Variants in ESS2 observed in about 807,000 individuals in gnomAD.
ESS2 encodes the protein splicing factor ESS-2 homolog.
Under a neutral mutation model 52.0 loss-of-function variants are expected in ESS2, and 31 were observed. That is an observed-to-expected ratio of 0.60 (90% CI 0.45 to 0.81). ESS2 has a LOEUF of 0.81. Among genes scored for constraint, ESS2 ranks in the 30% least tolerant of loss-of-function variants. The probability of loss-of-function intolerance (pLI) is 0.00; values close to 1 mark genes in which losing one functional copy is unlikely to be tolerated. For synonymous variants in ESS2, 285 were observed against 259.2 expected (o/e 1.10, Z -0.95); for missense variants, 602 against 637.2 (o/e 0.94, Z 0.59).
At position 19,134,266 on chromosome 22, in the gene ESS2, T is replaced by C. The variant is rs138868865; in HGVS notation, c.1361A>G (p.Gln454Arg). ...GTTGTCCGTGATGGAGGCCGGGTCCTGTGTGAGAGGGGTGCGTGTGGCAGA... is the reference window on the plus strand; with the variant it reads ...GTTGTCCGTGATGGAGGCCGGGTCCCGTGTGAGAGGGGTGCGTGTGGCAGA... ...PGSATRTPLT[Q>R]DPASITDNLL... The change falls in exon 10 of 10, where the codon CAG becomes CGG. Residue 454 changes from glutamine (Q) to arginine (R), a missense_variant. Coordinates refer to ENST00000252137, the MANE Select transcript of ESS2 (RefSeq NM_022719.3). 1.9e-5 allele frequency: 30 copies of C among 1,579,130 alleles called. No individual in the cohort carries two copies. The African/African-American group carries it at 3.0e-4, about 16-fold the overall frequency.
Position 19,131,558 on chromosome 22 carries a change from GGA to G in ESS2, c.*2636_*2637del. ...GCAAGAAAACACCTACTGACTTTGT[GGA>G]GAGATTCCTTCCTCGGGAGATGGAC... On this transcript the variant is annotated 3_prime_UTR_variant, in exon 10 of 10. Coordinates refer to ENST00000252137, the MANE Select transcript of ESS2 (RefSeq NM_022719.3). This position sits in a 1 kb window ranked among gnomAD's most constrained non-coding sequence, Gnocchi z 5.7. 2 of 1,614,144 alleles carry G rather than the reference GGA, an allele frequency of 1.2e-6. No homozygotes were observed. Among genetic ancestry groups the G allele is most frequent in the South Asian group, 2.2e-5 (2 of 91,072 alleles).
Position 19,131,246 on chromosome 22 carries a change from AC to A in ESS2, c.*2949del. 1 of 641,952 alleles carries A rather than the reference AC, an allele frequency of 1.6e-6. No individual in the cohort carries two copies. Among genetic ancestry groups the A allele is most frequent in the Non-Finnish European group, 2.7e-6 (1 of 366,360 alleles). 39.8% of individuals were successfully genotyped at this position (641,952 alleles called of 1,614,324 possible). Reference sequence around the variant, plus strand: ...CTTTATGAGTTCATTGGCTGAAGTCACCCGGAGACAATGCTGAGTGTTCCAC... The same window carrying A: ...CTTTATGAGTTCATTGGCTGAAGTCACCGGAGACAATGCTGAGTGTTCCAC... On this transcript the variant is annotated 3_prime_UTR_variant, in exon 10 of 10. Transcript: ENST00000252137. This position sits in a 1 kb window ranked among gnomAD's most constrained non-coding sequence, Gnocchi z 5.7.
intron 8 of ESS2, among the ~76,000 whole-genome samples, chr22:19,136,539 C>T (rs1296494573): frequency 6.6e-6 from 1 of 152,100 alleles, no homozygotes; most frequent in African/African-American, 2.4e-5. Flanking sequence ...CCATCTTTAT[C>T]GGGCCCCAAA....
intron 1 of ESS2, among the ~76,000 whole-genome samples, chr22:19,143,217 A>G (rs971757626): frequency 1.3e-5 from 2 of 151,092 alleles, no homozygotes; most frequent in African/African-American, 2.4e-5. Context: ...AAAAAAAAAA[A>G]AAAGAAAAAA....
rs777575689 is a variant in ESS2 at position 19,131,456 on chromosome 22, C to G, written c.*2740G>C. On this transcript the variant is annotated 3_prime_UTR_variant, in exon 10 of 10. Coordinates refer to ENST00000252137, the MANE Select transcript of ESS2 (RefSeq NM_022719.3). The surrounding 1 kb of genome is among the most constrained non-coding windows in gnomAD (Gnocchi z 5.7). ...GTTACATCGTAGGCATCAATCTTGG[C>G]AAGGGTTCCTACGCAAAAGTCAAAT... 3 of 1,613,998 alleles carry G rather than the reference C, an allele frequency of 1.9e-6. No homozygotes were observed. In the South Asian group the frequency reaches 3.3e-5, roughly 18 times the overall value.
At position 19,142,566 on chromosome 22, in the gene ESS2, G is replaced by C. The variant is rs1601365211; in HGVS notation, c.372C>G (p.Pro124=). 5 of 1,612,610 alleles carry C rather than the reference G, an allele frequency of 3.1e-6. No individual in the cohort carries two copies. The highest frequency in any genetic ancestry group is 2.7e-5 in the African/African-American group (2 of 74,878). The change falls in exon 3 of 10, where the codon CCC becomes CCG. Residue 124 remains proline, a synonymous_variant. Transcript: ENST00000252137. ...HAGTGVVGNK[P]RPRGRGLEDG... is the part of the protein sequence containing the mutation. ...CCTCCAGGCCTCGGCCGCGGGGCCT[G>C]GGCTTGTTGCCCACCACTCCAGTGC...
Position 19,130,798 on chromosome 22 carries a change from A to G in ESS2, c.*3398T>C, listed in dbSNP as rs1334903377. 4.8e-6 allele frequency: 1 copy of G among 210,464 alleles called. No homozygotes were observed. The highest frequency in any genetic ancestry group is 2.4e-5 in the African/African-American group (1 of 42,408). The allele number at this position is 210,464 out of a possible 1,614,324, so 13.0% of individuals were successfully genotyped here. ...TCTGGGCACTGATTTCCCTAGATTT[A>G]ACTATGTGCTCAATGGTAAGGCAGT... On this transcript the variant is annotated 3_prime_UTR_variant, in exon 10 of 10. Transcript: ENST00000252137.
intron 6 of ESS2, chr22:19,138,549 T>G: frequency 1.6e-6 from 1 of 642,140 alleles, no homozygotes. Flanking sequence ...AGCCCCCTCC[T>G]CCCATCCAGG....
intron 7 of ESS2, 152 bp downstream of exon 7, chr22:19,138,063 G>A: frequency 6.8e-7 from 1 of 1,467,518 alleles, no homozygotes; most frequent in Non-Finnish European, 9.0e-7. Flanking sequence ...TGGCCTCTAG[G>A]GCCTTGTACA....
At position 19,132,529 on chromosome 22, in the gene ESS2, G is replaced by A; in HGVS notation, c.*1667C>T. 6.6e-7 allele frequency: 1 copy of A among 1,526,384 alleles called. No individual in the cohort carries two copies. Among genetic ancestry groups the A allele is most frequent in the Non-Finnish European group, 8.9e-7 (1 of 1,128,798 alleles). 94.6% of individuals were successfully genotyped at this position (1,526,384 alleles called of 1,614,324 possible). A position where few individuals can be genotyped will look rare whatever the true frequency, so the allele number is the denominator to read the frequency against. On this transcript the variant is annotated 3_prime_UTR_variant, in exon 10 of 10. Transcript: ENST00000252137. This position sits in a 1 kb window ranked among gnomAD's most constrained non-coding sequence, Gnocchi z 4.2. Reference sequence around the variant, plus strand: ...GGGGGTCGGGGTTGGGGGGCATGGTGCAGTCGGCCTTCACGTAAACTAAGT... The same window carrying A: ...GGGGGTCGGGGTTGGGGGGCATGGTACAGTCGGCCTTCACGTAAACTAAGT...
rs1275061241 is a variant in ESS2 at position 19,132,083 on chromosome 22, G to C, written c.*2113C>G. On this transcript the variant is annotated 3_prime_UTR_variant, in exon 10 of 10. Transcript: ENST00000252137. This position sits in a 1 kb window ranked among gnomAD's most constrained non-coding sequence, Gnocchi z 4.2. Reference sequence around the variant, plus strand: ...ACATCAGGAAGATGCTGCGTATCCAGAAGGAGCACCGTGTGGACTTCCCGC... The same window carrying C: ...ACATCAGGAAGATGCTGCGTATCCACAAGGAGCACCGTGTGGACTTCCCGC... 1 of 1,613,204 alleles carries C rather than the reference G, an allele frequency of 6.2e-7. No homozygotes were observed.
chr22:19,139,664 A>G lies in ESS2; in HGVS notation c.636T>C (p.Ser212=), dbSNP rs963663544. 18 of 1,613,756 alleles carry G rather than the reference A, an allele frequency of 1.1e-5. No individual in the cohort carries two copies. Among genetic ancestry groups the G allele is most frequent in the Non-Finnish European group, 1.5e-5 (18 of 1,179,914 alleles). Residue 212 remains serine, a synonymous_variant, in exon 5 of 10, where the codon AGT becomes AGC. Transcript: ENST00000252137. ...EHQAIESSQA[S]VETWKYKAKN... ...TGGCCTTGTACTTCCAGGTCTCCAC[A>G]CTGGCCTGGCTGCTCTCGATGGCCT... is the stretch of plus-strand genomic sequence containing the variant.
intron 9 of ESS2, 64 bp from the exon 10 acceptor site, chr22:19,134,539 C>A: frequency 6.9e-7 from 1 of 1,447,778 alleles, no homozygotes; most frequent in Non-Finnish European, 9.1e-7. Context: ...GGCAGCAGGG[C>A]CTCCCTTGGC....
Position 19,136,328 on chromosome 22 carries a change from T to A in ESS2, c.1035+995A>T, listed in dbSNP as rs1001344751. Among the ~76,000 whole-genome samples, 2 of 125,282 alleles carry A rather than the reference T, an allele frequency of 1.6e-5. 1 individual carries two copies. The highest frequency in any genetic ancestry group is 6.1e-5 in the African/African-American group (2 of 32,930). The allele number at this position is 125,282 out of a possible 152,430, so 82.2% of individuals were successfully genotyped here. ...ATTCGCCACTATTTTCTAGTCCCAG[T>A]TACTTGGGAGGTTGAGGCAGGAGAA... On this transcript the variant is annotated intron_variant, in intron 8 of 9. Coordinates refer to ENST00000252137, the MANE Select transcript of ESS2 (RefSeq NM_022719.3).
chr22:19,144,267 C>T, intron 1 of ESS2: 1 of 1,284,750 alleles, frequency 7.8e-7, no homozygotes, highest in African/African-American at 1.5e-5. Flanking sequence ...ATCTTCTTTC[C>T]CTGACCCCCG....
intron 3 of ESS2, among the ~76,000 whole-genome samples, chr22:19,140,380 G>C (rs2083664891): frequency 6.6e-6 from 1 of 152,146 alleles, no homozygotes; most frequent in South Asian, 2.1e-4. Context: ...AGTGGTGCCA[G>C]GCCTGTGGGT....
intron 1 of ESS2, chr22:19,143,960 C>A: frequency 1.2e-6 from 1 of 853,580 alleles, no homozygotes; most frequent in Non-Finnish European, 1.4e-6. Flanking sequence ...ACCTTGCTCC[C>A]GAGCTGCATA....
In ESS2 at chr22:19,132,179, G is replaced by A; in HGVS notation, c.*2017C>T. On this transcript the variant is annotated 3_prime_UTR_variant, in exon 10 of 10. Transcript: ENST00000252137. The surrounding 1 kb of genome is among the most constrained non-coding windows in gnomAD (Gnocchi z 4.2). ...TGCTGCAGCCCGACGTCAGCCAGCG[G>A]CTCCACATCGATGAGATCCTCAGCC... 5 of 1,613,168 alleles carry A rather than the reference G, an allele frequency of 3.1e-6. No homozygotes were observed. The highest frequency in any genetic ancestry group is 4.2e-6 in the Non-Finnish European group (5 of 1,179,334).
Position 19,132,558 on chromosome 22 carries a change from C to T in ESS2, c.*1638G>A. On this transcript the variant is annotated 3_prime_UTR_variant, in exon 10 of 10. Coordinates refer to ENST00000252137, the MANE Select transcript of ESS2 (RefSeq NM_022719.3). The surrounding 1 kb of genome is among the most constrained non-coding windows in gnomAD (Gnocchi z 4.2). ...TCGGCCTTCACGTAAACTAAGTAGG[C>T]AGGTAGGATCTGAAGAAGGCACAGG... 5 of 1,378,612 alleles carry T rather than the reference C, an allele frequency of 3.6e-6. No homozygotes were observed. Among genetic ancestry groups the T allele is most frequent in the Non-Finnish European group, 5.0e-6 (5 of 1,005,110 alleles). 85.4% of individuals were successfully genotyped at this position (1,378,612 alleles called of 1,614,324 possible).
Sources: gnomAD v4.1 joint callset for allele counts (sites outside exome capture counted in the v4.1 genomes callset) on GRCh38, gnomAD v4.1.1 for gene constraint, Gnocchi (gnomAD v3.1) non-coding constraint, MANE v1.5 for transcripts, NCBI Gene and HGNC (gene_info 2026-07-23, HGNC 2026-07-21) for gene names.